The following VWA3B variants were observed in gnomAD, a reference collection of about 807,000 sequenced individuals.
VWA3B encodes von Willebrand factor A domain-containing protein 3B.
VWA3B carries 138 observed loss-of-function variants against 158.3 expected under a neutral mutation model. The ratio of observed to expected loss-of-function variants is 0.87; its 90% CI spans 0.76 to 1.00. VWA3B has a LOEUF of 1.00. VWA3B is among the 50% of genes least tolerant of loss of function. VWA3B has a pLI of 0.00. For synonymous variants in VWA3B, 596 were observed against 587.3 expected (o/e 1.01, Z -0.21); for missense variants, 1,555 against 1,565.1 (o/e 0.99, Z 0.11).
At chr2:98,100,669 T>C (rs1186364171) in intron 2 of VWA3B, among the ~76,000 whole-genome samples, 1 of 152,184 alleles carries the variant, frequency 6.6e-6, no homozygotes, top group African/African-American at 2.4e-5. Context: ...TCAAGGGCCA[T>C]GTGGATCTGC....
chr2:98,147,774 A>C (rs1005838501), intron 7 of VWA3B, among the ~76,000 whole-genome samples: 3 of 151,978 alleles, frequency 2.0e-5, no homozygotes, highest in Non-Finnish European at 4.4e-5. Flanking sequence ...ATATGTATAC[A>C]TGTGCCATGT....
chr2:98,173,228 C>T (rs920048340), intron 8 of VWA3B, among the ~76,000 whole-genome samples: 4 of 152,174 alleles, frequency 2.6e-5, no homozygotes, highest in Non-Finnish European at 5.9e-5. Flanking sequence ...CAACCAGAAG[C>T]GAATGACACA....
chr2:98,159,595 G>A (rs567906411), intron 7 of VWA3B, among the ~76,000 whole-genome samples: 26 of 152,262 alleles, frequency 1.7e-4, no homozygotes, highest in African/African-American at 5.1e-4. Flanking sequence ...CATGCAAGGC[G>A]GGGGATTGGG....
At chr2:98,179,686 T>C (rs1382817451) in intron 8 of VWA3B, among the ~76,000 whole-genome samples, 2 of 152,064 alleles carry the variant, frequency 1.3e-5, no homozygotes, top group African/African-American at 4.8e-5. Flanking sequence ...TTTCTTTCTT[T>C]CTCTTCCTTT....
intron 22 of VWA3B, among the ~76,000 whole-genome samples, chr2:98,287,886 T>C (rs1372813877): frequency 1.3e-5 from 2 of 152,174 alleles, no homozygotes; most frequent in African/African-American, 4.8e-5. Context: ...GTACATGGTC[T>C]TTTTCTTCTG....
At chr2:98,266,586 G>C (rs1465644850) in intron 21 of VWA3B, among the ~76,000 whole-genome samples, 1 of 143,180 alleles carries the variant, frequency 7.0e-6, no homozygotes, top group Admixed American at 7.0e-5. Flanking sequence ...TGTGAAGAAA[G>C]GCATTGGTAG....
chr2:98,089,612 G>C (rs1682127043), intron 1 of VWA3B, among the ~76,000 whole-genome samples: 1 of 151,050 alleles, frequency 6.6e-6, no homozygotes, highest in Admixed American at 6.6e-5. Context: ...AATTCCTTCT[G>C]TTGGGAGATG....
chr2:98,178,873 T>A (rs1459869050), intron 8 of VWA3B, among the ~76,000 whole-genome samples: 2 of 152,178 alleles, frequency 1.3e-5, no homozygotes, highest in Non-Finnish European at 2.9e-5. Context: ...ATAGCGCTGG[T>A]GGACATCCTA....
At chr2:98,324,403 T>C in the VWA3B span, among the ~76,000 whole-genome samples, 2 of 152,168 alleles carry the variant, frequency 1.3e-5, no homozygotes, top group Non-Finnish European at 2.9e-5. Flanking sequence ...CCTCAAGTGA[T>C]CCACCCATGT....
rs192186923 is a variant in VWA3B at position 98,136,576 on chromosome 2, C to T, written c.988+2637C>T. On this transcript the variant is annotated intron_variant, in intron 7 of 27. Transcript: ENST00000477737. ...TTTGGGAGGGGAGGAATGCTGCACCCTCACGGGCAGAAGAGATGAAAGGGC... is the reference window on the plus strand; with the variant it reads ...TTTGGGAGGGGAGGAATGCTGCACCTTCACGGGCAGAAGAGATGAAAGGGC... 4.3e-3 allele frequency among the ~76,000 whole-genome samples: 654 copies of T among 150,872 alleles called. 8 individuals are homozygous for T. Among genetic ancestry groups the T allele is most frequent in the African/African-American group, 0.015 (624 of 40,754 alleles).
At chr2:98,102,713 C>T (rs1487306091) in intron 2 of VWA3B, among the ~76,000 whole-genome samples, 1 of 152,212 alleles carries the variant, frequency 6.6e-6, no homozygotes, top group Non-Finnish European at 1.5e-5. Flanking sequence ...TGTCAGGTTT[C>T]AGCATCAAGA....
chr2:98,139,426 C>T (rs1676563190), intron 7 of VWA3B, among the ~76,000 whole-genome samples: 1 of 152,248 alleles, frequency 6.6e-6, no homozygotes, highest in African/African-American at 2.4e-5. Flanking sequence ...CCACCTGAAG[C>T]CCCTGTGTGG....
At position 98,175,456 on chromosome 2, in the gene VWA3B, A is replaced by G. The variant is rs368827121; in HGVS notation, c.1115-5560A>G. ...ATGAGGAACTGACTAGAGGGGTTCA[A>G]CACCCCGATTTGAGAAAGCAGAACA... On this transcript the variant is annotated intron_variant, in intron 8 of 27. Transcript: ENST00000477737. 3.3e-4 allele frequency among the ~76,000 whole-genome samples: 50 copies of G among 152,384 alleles called. No homozygotes were observed. The East Asian group carries it at 5.4e-3, about 16-fold the overall frequency.
intron 22 of VWA3B, among the ~76,000 whole-genome samples, chr2:98,282,391 A>G (rs1688931993): frequency 6.6e-6 from 1 of 151,338 alleles, no homozygotes; most frequent in Non-Finnish European, 1.5e-5. Flanking sequence ...TCTTGCCAAT[A>G]GTAATAACAG....
At chr2:98,130,740 G>C (rs1286808147) in intron 6 of VWA3B, among the ~76,000 whole-genome samples, 1 of 152,194 alleles carries the variant, frequency 6.6e-6, no homozygotes, top group Non-Finnish European at 1.5e-5. Context: ...CAAGGCAGAA[G>C]AATTTTTCTT....
At chr2:98,323,467 A>G in the VWA3B span, among the ~76,000 whole-genome samples, 15 of 152,120 alleles carry the variant, frequency 9.9e-5, no homozygotes, top group Non-Finnish European at 1.6e-4. Flanking sequence ...CAAATTATGT[A>G]TAATTGGAGA....
At chr2:98,104,202 G>A (rs1019303837) in intron 2 of VWA3B, among the ~76,000 whole-genome samples, 25 of 152,176 alleles carry the variant, frequency 1.6e-4, no homozygotes, top group African/African-American at 4.6e-4. Context: ...ATCAGTTAGT[G>A]TCTTTATCCA....
chr2:98,284,670 C>T (rs1689064077), intron 22 of VWA3B, among the ~76,000 whole-genome samples: 1 of 152,108 alleles, frequency 6.6e-6, no homozygotes, highest in Non-Finnish European at 1.5e-5. Context: ...TCTGGGCAAA[C>T]ACTTTATATT....
chr2:98,263,377 A>G (rs1687600819), intron 21 of VWA3B, among the ~76,000 whole-genome samples: 1 of 151,842 alleles, frequency 6.6e-6, no homozygotes, highest in South Asian at 2.1e-4. Flanking sequence ...TATTAAGTAC[A>G]ATAGTAGCTG....
Sources: allele counts gnomAD v4.1 joint callset (sites outside exome capture counted in the v4.1 genomes callset), GRCh38; gene constraint gnomAD v4.1.1; transcripts MANE v1.5; gene names NCBI Gene and HGNC (gene_info 2026-07-23, HGNC 2026-07-21).